ERC1: variants seen among roughly 807,000 people sequenced by gnomAD.
ERC1 encodes ELKS/RAB6-interacting/CAST family member 1.
A neutral mutation model predicts 132.0 loss-of-function variants in ERC1; 56 were observed. The ratio of observed to expected loss-of-function variants is 0.42; its 90% CI spans 0.34 to 0.53. The LOEUF (loss-of-function observed/expected upper bound fraction) is 0.53, where lower values mean the gene tolerates loss of function less well. ERC1 is among the 20% of genes least tolerant of loss of function. The pLI is 0.03. For missense variants in ERC1, 1,202 were observed against 1,349.9 expected, an observed-to-expected ratio of 0.89 and a Z score of 1.72; for synonymous variants, 478 against 476.1, an observed-to-expected ratio of 1.00 and a Z score of -0.05.
Position 1,284,296 on chromosome 12 carries a change from GTGTGTGTGTGTGTA to G in ERC1, c.2620-5554_2620-5541del, listed in dbSNP as rs1362228944. ...TGTGTGTGTGTGTGTGTGTGTGTGT[GTGTGTGTGTGTGTA>G]TACATACCACATTTTATCCATTCAT... On this transcript the variant is annotated intron_variant, in intron 14 of 18. Transcript: ENST00000360905. Among the ~76,000 whole-genome samples the G allele has an allele frequency of 3.6e-3, 522 of 146,526 alleles. 2 individuals carry two copies. Among genetic ancestry groups the G allele is most frequent in the African/African-American group, 0.013 (487 of 37,972 alleles).
chr12:1,101,336 A>G (rs1304106438), intron 3 of ERC1, among the ~76,000 whole-genome samples: 1 of 152,110 alleles, frequency 6.6e-6, no homozygotes, highest in Admixed American at 6.5e-5. Flanking sequence ...TCACACTTCT[A>G]TATTGCTTTA....
intron 7 of ERC1, among the ~76,000 whole-genome samples, chr12:1,138,796 A>G (rs1365968562): frequency 6.6e-6 from 1 of 152,174 alleles, no homozygotes; most frequent in East Asian, 1.9e-4. Context: ...GGACCGTCTG[A>G]CCATGGAGGA....
intron 16 of ERC1, among the ~76,000 whole-genome samples, chr12:1,393,866 A>G (rs949760551): frequency 7.3e-5 from 11 of 150,920 alleles, no homozygotes; most frequent in Admixed American, 6.6e-5. Flanking sequence ...CGACAAAAAA[A>G]TTAGCCAAGT....
chr12:1,347,600 A>G (rs1341425856), intron 15 of ERC1, among the ~76,000 whole-genome samples: 1 of 152,232 alleles, frequency 6.6e-6, no homozygotes, highest in East Asian at 1.9e-4. Context: ...CCAAGAAAAT[A>G]CAGTATAAAT....
At chr12:1,043,896 G>C (rs1413523892) in intron 2 of ERC1, among the ~76,000 whole-genome samples, 1 of 152,118 alleles carries the variant, frequency 6.6e-6, no homozygotes, top group Non-Finnish European at 1.5e-5. Context: ...TGGTGTAGTT[G>C]TGCCCTGGCA....
At chr12:1,332,708 T>G (rs893688293) in intron 15 of ERC1, among the ~76,000 whole-genome samples, 1 of 152,184 alleles carries the variant, frequency 6.6e-6, no homozygotes, top group Non-Finnish European at 1.5e-5. Context: ...GCACCAACTG[T>G]GATATAAGCA....
intron 16 of ERC1, among the ~76,000 whole-genome samples, chr12:1,407,319 A>G (rs1484446648): frequency 6.6e-6 from 1 of 152,090 alleles, no homozygotes; most frequent in East Asian, 1.9e-4. Flanking sequence ...TTCTGTCTGA[A>G]CACCTCACTG....
Position 1,065,353 on chromosome 12 carries a change from T to G in ERC1, c.670-17811T>G, listed in dbSNP as rs932315726. 3.3e-5 allele frequency among the ~76,000 whole-genome samples: 5 copies of G among 152,260 alleles called. No individual in the cohort carries two copies. The East Asian group carries it at 9.6e-4, about 29-fold the overall frequency. On this transcript the variant is annotated intron_variant, in intron 2 of 18. Coordinates refer to ENST00000360905, the MANE Select transcript of ERC1 (RefSeq NM_178040.4). ...CTTCAAGTTCAGAAAATCCGCTTGA[T>G]GTAGTCTATTCTATTTTTTATTTCA...
At chr12:1,177,621 G>T (rs1160156241) in intron 8 of ERC1, among the ~76,000 whole-genome samples, 1 of 152,124 alleles carries the variant, frequency 6.6e-6, no homozygotes, top group Non-Finnish European at 1.5e-5. Flanking sequence ...CAGAGTTCAT[G>T]GCACCCCAGA....
intron 8 of ERC1, among the ~76,000 whole-genome samples, chr12:1,172,451 G>GAGCA (rs1953173649): frequency 6.6e-6 from 1 of 152,164 alleles, no homozygotes; most frequent in Non-Finnish European, 1.5e-5. Flanking sequence ...CTTGGTGACA[G>GAGCA]AGCAAGACCC....
At chr12:1,333,159 G>A (rs34785135) in intron 15 of ERC1, among the ~76,000 whole-genome samples, 39,864 of 150,740 alleles carry the variant, frequency 0.26, 5,638 homozygotes, top group Middle Eastern at 0.32. Context: ...GTGTCCGCGT[G>A]TTCTCATCAT....
rs60222703 is a variant in ERC1, at chr12:1,405,146, TATAA to T, written c.2926-2971_2926-2968del. The stretch of plus-strand genomic sequence containing the variant: ...GAGAACGAGACTCCGGCTCAAAAAA[TATAA>T]ATAAATAAATAAATAAATAAATAAA... On this transcript the variant is annotated intron_variant, in intron 16 of 18. Coordinates refer to ENST00000360905, the MANE Select transcript of ERC1 (RefSeq NM_178040.4). Among the ~76,000 whole-genome samples, 1,076 of 142,194 alleles carry T rather than the reference TATAA, an allele frequency of 7.6e-3. 9 individuals carry two copies. The highest frequency in any genetic ancestry group is 0.02 in the African/African-American group (752 of 37,790). The allele number at this position is 142,194 out of a possible 152,430, so 93.3% of individuals were successfully genotyped here. A position where few individuals can be genotyped will look rare whatever the true frequency, so the allele number is the denominator to read the frequency against.
At chr12:1,217,731 A>G (rs531046728) in intron 12 of ERC1, among the ~76,000 whole-genome samples, 1 of 152,124 alleles carries the variant, frequency 6.6e-6, no homozygotes, top group Non-Finnish European at 1.5e-5. Context: ...GTTTGTTTTG[A>G]ACCTCGTATG....
At chr12:1,006,444 C>T (rs182573196) in intron 1 of ERC1, among the ~76,000 whole-genome samples, 9 of 152,156 alleles carry the variant, frequency 5.9e-5, no homozygotes, top group East Asian at 1.9e-4. Flanking sequence ...GTCACCTAGG[C>T]GCAATTTCAG....
In ERC1 at chr12:1,106,554, C is replaced by T. The variant is rs145490969; in HGVS notation, c.1161+1730C>T. Among the ~76,000 whole-genome samples the T allele has an allele frequency of 9.5e-4, 144 of 151,640 alleles. 1 individual carries two copies. Among genetic ancestry groups the T allele is most frequent in the Middle Eastern group, 3.4e-3 (1 of 294 alleles). On this transcript the variant is annotated intron_variant, in intron 4 of 18. Coordinates refer to ENST00000360905, the MANE Select transcript of ERC1 (RefSeq NM_178040.4). ...TTTATATCGTATACATCTTTATTCT[C>T]GGTGGGGAAAGGATTTACCAAACAA...
intron 18 of ERC1, among the ~76,000 whole-genome samples, chr12:1,487,900 A>T (rs937817321): frequency 3.3e-5 from 5 of 152,126 alleles, no homozygotes; most frequent in Admixed American, 2.0e-4. Flanking sequence ...ACACTTTGGG[A>T]GGCCGAGGCG....
chr12:1,329,566 A>G (rs1461723931), intron 15 of ERC1, among the ~76,000 whole-genome samples: 1 of 152,186 alleles, frequency 6.6e-6, no homozygotes, highest in Non-Finnish European at 1.5e-5. Flanking sequence ...TACTCGTTTT[A>G]TAGTTGAGGA....
At position 1,400,917 on chromosome 12, in the gene ERC1, T is replaced by TTATTATTA. The variant is rs1491529417; in HGVS notation, c.2926-7231_2926-7230insATTATTAT. Among the ~76,000 whole-genome samples the TTATTATTA allele has an allele frequency of 2.0e-3, 8 of 3,972 alleles. 1 individual carries two copies. The highest frequency in any genetic ancestry group is 0.012 in the African/African-American group (8 of 670). 2.6% of individuals were successfully genotyped at this position (3,972 alleles called of 152,430 possible). The stretch of plus-strand genomic sequence containing the variant: ...CAATATTGTTTTGGCTATTTTTGTA[T>TTATTATTA]TTTTTTTTTTTTTTTTTTTTTTTTT... On this transcript the variant is annotated intron_variant, in intron 16 of 18. Coordinates refer to ENST00000360905, the MANE Select transcript of ERC1 (RefSeq NM_178040.4).
At chr12:1,247,845 A>G (rs2076248383) in intron 13 of ERC1, among the ~76,000 whole-genome samples, 1 of 152,080 alleles carries the variant, frequency 6.6e-6, no homozygotes, top group African/African-American at 2.4e-5. Context: ...AAAAATAGAA[A>G]AGTAGCCGGG....
Sources: gnomAD v4.1 joint callset for allele counts (sites outside exome capture counted in the v4.1 genomes callset) on GRCh38, gnomAD v4.1.1 for gene constraint, MANE v1.5 for transcripts, NCBI Gene and HGNC (gene_info 2026-07-23, HGNC 2026-07-21) for gene names.